Variants in DNAJC1 observed in about 807,000 individuals in gnomAD.
DNAJC1 encodes dnaJ homolog subfamily C member 1.
Under a neutral mutation model 76.6 loss-of-function variants are expected in DNAJC1, and 58 were observed. The observed-to-expected ratio is 0.76, with a 90% CI of 0.61 to 0.94. The LOEUF (loss-of-function observed/expected upper bound fraction) is 0.94. Among genes scored for constraint, DNAJC1 ranks in the 40% least tolerant of loss-of-function variants. The pLI is 0.00. For synonymous variants in DNAJC1, 258 were observed against 267.9 expected, an observed-to-expected ratio of 0.96 and a Z score of 0.36; for missense variants, 689 against 677.3, an observed-to-expected ratio of 1.02 and a Z score of -0.19.
At chr10:21,907,853 C>T (rs575468932) in intron 6 of DNAJC1, among the ~76,000 whole-genome samples, 7 of 150,182 alleles carry the variant, frequency 4.7e-5, no homozygotes, top group African/African-American at 1.7e-4. Flanking sequence ...TGGCAGGCAC[C>T]TGTAATCCCC....
intron 1 of DNAJC1, among the ~76,000 whole-genome samples, chr10:21,938,312 T>C (rs536651432): frequency 1.3e-5 from 2 of 151,526 alleles, no homozygotes; most frequent in East Asian, 3.9e-4. Flanking sequence ...GTAAAAGCAG[T>C]GCTCAGAAGA....
At chr10:21,977,794 T>C (rs1487386514) in intron 1 of DNAJC1, among the ~76,000 whole-genome samples, 8 of 152,150 alleles carry the variant, frequency 5.3e-5, no homozygotes, top group Non-Finnish European at 2.9e-5. Context: ...CCCACCTGGA[T>C]AGTGAGGGTT....
intron 8 of DNAJC1, among the ~76,000 whole-genome samples, chr10:21,849,096 T>G (rs1464276196): frequency 6.6e-6 from 1 of 151,406 alleles, no homozygotes; most frequent in Non-Finnish European, 1.5e-5. Flanking sequence ...TCAAGACCAA[T>G]CTGGCCAACA....
At chr10:21,922,748 G>T (rs1837060314) in intron 3 of DNAJC1, among the ~76,000 whole-genome samples, 1 of 151,936 alleles carries the variant, frequency 6.6e-6, no homozygotes, top group Non-Finnish European at 1.5e-5. Flanking sequence ...TCAACCTTAA[G>T]TCCTGAATCT....
chr10:21,991,701 A>G (rs1222863962), intron 1 of DNAJC1, among the ~76,000 whole-genome samples: 1 of 152,244 alleles, frequency 6.6e-6, no homozygotes, highest in Non-Finnish European at 1.5e-5. Context: ...AAGGCTATCC[A>G]ATGTATGCTA....
At chr10:21,848,700 A>G (rs1004634504) in intron 8 of DNAJC1, among the ~76,000 whole-genome samples, 1 of 152,244 alleles carries the variant, frequency 6.6e-6, no homozygotes, top group African/African-American at 2.4e-5. Flanking sequence ...TCCAGTGCAC[A>G]TGGAACATTC....
At chr10:21,997,055 T>C (rs1385305079) in intron 1 of DNAJC1, among the ~76,000 whole-genome samples, 3 of 152,026 alleles carry the variant, frequency 2.0e-5, no homozygotes, top group African/African-American at 7.3e-5. Flanking sequence ...ACAACACACA[T>C]GTACAAAGGA....
chr10:21,977,224 T>TA (rs1263260805), intron 1 of DNAJC1, among the ~76,000 whole-genome samples: 3 of 151,976 alleles, frequency 2.0e-5, no homozygotes, highest in African/African-American at 7.3e-5. Context: ...AGCAATTTTT[T>TA]AAAAAGAAAA....
intron 1 of DNAJC1, among the ~76,000 whole-genome samples, chr10:21,980,726 A>T (rs1383673453): frequency 6.6e-6 from 1 of 152,124 alleles, no homozygotes; most frequent in Non-Finnish European, 1.5e-5. Flanking sequence ...GGTATATGAG[A>T]ACTGTATTAT....
intron 8 of DNAJC1, among the ~76,000 whole-genome samples, chr10:21,880,140 GTTTGACCAT>G (rs1836249620): frequency 6.6e-6 from 1 of 152,160 alleles, no homozygotes; most frequent in Non-Finnish European, 1.5e-5. Context: ...ATCTCTTCAA[GTTTGACCAT>G]GGGATTGCAG....
At chr10:21,858,341 T>C (rs1835871603) in intron 8 of DNAJC1, among the ~76,000 whole-genome samples, 1 of 152,210 alleles carries the variant, frequency 6.6e-6, no homozygotes, top group Admixed American at 6.5e-5. Flanking sequence ...CAAGTATCTT[T>C]CAAACTAAAC....
chr10:21,775,015 C>G (rs993872908), intron 9 of DNAJC1, among the ~76,000 whole-genome samples: 1 of 152,156 alleles, frequency 6.6e-6, no homozygotes, highest in Non-Finnish European at 1.5e-5. Flanking sequence ...TTAAGAGTCG[C>G]CTTATGCTGG....
chr10:21,833,205 C>A (rs1449835244), intron 8 of DNAJC1, among the ~76,000 whole-genome samples: 1 of 152,196 alleles, frequency 6.6e-6, no homozygotes, highest in Non-Finnish European at 1.5e-5. Flanking sequence ...GGCGCAGTGG[C>A]TCAGGCCTCT....
chr10:21,949,740 C>A (rs1409057344), intron 1 of DNAJC1, among the ~76,000 whole-genome samples: 1 of 151,852 alleles, frequency 6.6e-6, no homozygotes, highest in Non-Finnish European at 1.5e-5. Context: ...CCTCTATTGA[C>A]AAACTAGGTA....
At chr10:21,992,632 T>C (rs912634004) in intron 1 of DNAJC1, among the ~76,000 whole-genome samples, 1 of 152,240 alleles carries the variant, frequency 6.6e-6, no homozygotes, top group East Asian at 1.9e-4. Flanking sequence ...CCTCTGTGTT[T>C]TGTATCACAT....
chr10:21,991,688 C>T (rs1838328375), intron 1 of DNAJC1, among the ~76,000 whole-genome samples: 1 of 152,056 alleles, frequency 6.6e-6, no homozygotes, highest in Non-Finnish European at 1.5e-5. Context: ...ATGTTAATTC[C>T]CTAAGGCTAT....
intron 8 of DNAJC1, among the ~76,000 whole-genome samples, chr10:21,817,759 AAATT>A (rs1371342279): frequency 1.3e-5 from 2 of 152,212 alleles, no homozygotes; most frequent in African/African-American, 4.8e-5. Flanking sequence ...TTAGTTCCCC[AAATT>A]AATACTTTTA....
At chr10:21,787,288 A>G (rs1834624494) in intron 9 of DNAJC1, among the ~76,000 whole-genome samples, 1 of 151,972 alleles carries the variant, frequency 6.6e-6, no homozygotes, top group Non-Finnish European at 1.5e-5. Flanking sequence ...AGATCATGCC[A>G]TTGCACTCCA....
At chr10:21,885,705 G>A (rs141577699) in intron 7 of DNAJC1, among the ~76,000 whole-genome samples, 54 of 152,132 alleles carry the variant, frequency 3.5e-4, no homozygotes, top group African/African-American at 1.2e-3. Flanking sequence ...GCAATTACAC[G>A]GAAATTAAAT....
Sources: gnomAD v4.1 joint callset for allele counts (sites outside exome capture counted in the v4.1 genomes callset) on GRCh38, gnomAD v4.1.1 for gene constraint, MANE v1.5 for transcripts, NCBI Gene and HGNC (gene_info 2026-07-23, HGNC 2026-07-21) for gene names.